LIPC: variants seen among roughly 807,000 people sequenced by gnomAD.
LIPC encodes lipase C, hepatic type.
LIPC carries 44 observed loss-of-function variants against 50.7 expected under a neutral mutation model. That is an observed-to-expected ratio of 0.87 (90% CI 0.68 to 1.11). The LOEUF is 1.11. LIPC is among the 50% of genes most tolerant of loss of function. The probability of loss-of-function intolerance (pLI) is 0.00; values close to 1 mark genes in which losing one functional copy is unlikely to be tolerated. For missense variants in LIPC, 697 were observed against 648.2 expected, an observed-to-expected ratio of 1.08 and a Z score of -0.82; for synonymous variants, 271 against 256.4, an observed-to-expected ratio of 1.06 and a Z score of -0.54.
chr15:58,541,241 T>C (rs11631482), intron 2 of LIPC, among the ~76,000 whole-genome samples: 5 of 152,142 alleles, frequency 3.3e-5, no homozygotes, highest in Non-Finnish European at 7.4e-5. Context: ...TCTGTAAACA[T>C]TTTTTACCTC....
intron 1 of LIPC, among the ~76,000 whole-genome samples, chr15:58,511,014 T>C (rs540233578): frequency 6.6e-6 from 1 of 152,300 alleles, no homozygotes; most frequent in Non-Finnish European, 1.5e-5. Context: ...GCCTTATTAT[T>C]TTGTATATTT....
chr15:58,439,152 A>T (rs1893417161), intron 1 of LIPC, among the ~76,000 whole-genome samples: 1 of 152,206 alleles, frequency 6.6e-6, no homozygotes, highest in Non-Finnish European at 1.5e-5. Flanking sequence ...CATGAAGAGC[A>T]GGCCTCATTG....
At chr15:58,474,821 C>T (rs1231310996) in intron 1 of LIPC, among the ~76,000 whole-genome samples, 1 of 152,188 alleles carries the variant, frequency 6.6e-6, no homozygotes, top group African/African-American at 2.4e-5. Flanking sequence ...CTGCCCCTGG[C>T]TTCTCAAAGC....
chr15:58,462,301 ATGAT>A (rs1894382510), intron 1 of LIPC, among the ~76,000 whole-genome samples: 1 of 152,190 alleles, frequency 6.6e-6, no homozygotes, highest in Non-Finnish European at 1.5e-5. Context: ...CTGAATTGAC[ATGAT>A]TGATTGATTG....
Position 58,492,189 on chromosome 15 carries a change from C to T in LIPC, c.89-46144C>T, listed in dbSNP as rs148823907. Among the ~76,000 whole-genome samples the T allele has an allele frequency of 4.3e-3, 659 of 152,302 alleles. 4 individuals are homozygous for T. The highest frequency in any genetic ancestry group is 0.018 in the South Asian group (85 of 4,822). ...CCTGTGGCCCACCCTGCCCTCAGTT[C>T]CTAGCAGATCCTCAACTTGGCCTGC... On this transcript the variant is annotated intron_variant, in intron 1 of 8. Transcript: ENST00000299022.
chr15:58,516,870 T>C (rs1892503047), intron 1 of LIPC, among the ~76,000 whole-genome samples: 1 of 152,252 alleles, frequency 6.6e-6, no homozygotes, highest in Admixed American at 6.5e-5. Context: ...CTTCTTTGCA[T>C]GCCTGGTAAT....
At chr15:58,505,820 T>A (rs1312714516) in intron 1 of LIPC, among the ~76,000 whole-genome samples, 1 of 152,304 alleles carries the variant, frequency 6.6e-6, no homozygotes, top group East Asian at 1.9e-4. Context: ...CCATCACCTC[T>A]ATCATGAGTT....
chr15:58,432,057 T>C lies in LIPC; in HGVS notation c.25T>C (p.Ser9Pro). The C allele has an allele frequency of 1.2e-6, 2 of 1,614,016 alleles. No homozygotes were observed. The highest frequency in any genetic ancestry group is 1.7e-6 in the Non-Finnish European group (2 of 1,179,898). MDTSPLCFSILLVLCIFIQ... is the reference protein window; with the variant it reads MDTSPLCFPILLVLCIFIQ... Reference sequence around the variant, plus strand: ...AATGGACACAAGTCCCCTGTGTTTCTCCATTCTGTTGGTTTTATGCATCTT... The same window carrying C: ...AATGGACACAAGTCCCCTGTGTTTCCCCATTCTGTTGGTTTTATGCATCTT... The change falls in exon 1 of 9, where the codon TCC (serine) becomes CCC (proline). Residue 9 changes from serine (S) to proline (P), a missense_variant. Ser to Pro is a moderately conservative substitution (Grantham distance 74, BLOSUM62 -1). Transcript: ENST00000299022.
At chr15:58,561,244 G>T (rs993049397) in intron 7 of LIPC, among the ~76,000 whole-genome samples, 1 of 152,208 alleles carries the variant, frequency 6.6e-6, no homozygotes, top group African/African-American at 2.4e-5. Flanking sequence ...ATTATAGGAA[G>T]ATATAAGACA....
At chr15:58,494,616 T>C (rs1382005403) in intron 1 of LIPC, among the ~76,000 whole-genome samples, 3 of 152,230 alleles carry the variant, frequency 2.0e-5, no homozygotes, top group Non-Finnish European at 4.4e-5. Context: ...ACTCCTATTC[T>C]GTTGAGCTAA....
intron 1 of LIPC, among the ~76,000 whole-genome samples, chr15:58,500,450 T>TA (rs1274988914): frequency 3.3e-5 from 5 of 152,188 alleles, no homozygotes; most frequent in African/African-American, 4.8e-5. Context: ...GCAAAAGCAA[T>TA]AATCCATTGC....
chr15:58,491,509 T>G (rs573923251), intron 1 of LIPC, among the ~76,000 whole-genome samples: 1 of 152,300 alleles, frequency 6.6e-6, no homozygotes, highest in African/African-American at 2.4e-5. Context: ...AAAGTTACTT[T>G]AAACCAACCC....
chr15:58,498,159 C>T (rs1037816990), intron 1 of LIPC, among the ~76,000 whole-genome samples: 2 of 152,130 alleles, frequency 1.3e-5, no homozygotes, highest in Non-Finnish European at 2.9e-5. Flanking sequence ...TTCTCTCAGG[C>T]GAGCTTTCCT....
At chr15:58,441,058 C>G (rs1274153455) in intron 1 of LIPC, among the ~76,000 whole-genome samples, 1 of 152,154 alleles carries the variant, frequency 6.6e-6, no homozygotes, top group Non-Finnish European at 1.5e-5. Flanking sequence ...AGACTTATCT[C>G]AGCCTGGCTA....
Position 58,560,978 on chromosome 15 carries a change from C to G in LIPC, c.1166C>G (p.Thr389Ser). ...TKEKMQKIPITLGKGIASNKT... is the reference protein window; with the variant it reads ...TKEKMQKIPISLGKGIASNKT... ...GAGAAAATGCAGAAAATTCCCATCA[C>G]TCTGTGAGTAGGAGGTGTAGCCCCC... Residue 389 changes from threonine to serine, a missense_variant, in exon 7 of 9, where the codon ACT (threonine) becomes AGT (serine). Thr to Ser is a moderately conservative substitution (Grantham distance 58). Transcript: ENST00000299022. 7.0e-7 allele frequency: 1 copy of G among 1,424,684 alleles called. No individual in the cohort carries two copies. The highest frequency in any genetic ancestry group is 9.9e-7 in the Non-Finnish European group (1 of 1,009,846). The allele number at this position is 1,424,684 out of a possible 1,614,324, so 88.3% of individuals were successfully genotyped here.
intron 1 of LIPC, among the ~76,000 whole-genome samples, chr15:58,527,551 G>C (rs550761809): frequency 2.7e-4 from 41 of 152,324 alleles, no homozygotes; most frequent in African/African-American, 9.6e-4. Flanking sequence ...CACCAATGGA[G>C]TTCATCTGGC....
chr15:58,446,117 G>C (rs1213405168), intron 1 of LIPC, among the ~76,000 whole-genome samples: 1 of 152,206 alleles, frequency 6.6e-6, no homozygotes, highest in African/African-American at 2.4e-5. Context: ...AGGGGGAAAG[G>C]AAGAGAGAAA....
intron 1 of LIPC, chr15:58,454,908 A>G (rs1894052541): frequency 6.6e-6 from 1 of 152,248 alleles, no homozygotes; most frequent in Non-Finnish European, 1.5e-5. Flanking sequence ...TTAAAATTAC[A>G]TTATAGAACT....
At chr15:58,507,429 GT>G (rs1413882353) in intron 1 of LIPC, among the ~76,000 whole-genome samples, 8 of 152,274 alleles carry the variant, frequency 5.3e-5, no homozygotes, top group Admixed American at 5.2e-4. Context: ...GAAAATTCCT[GT>G]TCTTGGAATG....
Sources: gnomAD v4.1 joint callset for allele counts (sites outside exome capture counted in the v4.1 genomes callset) on GRCh38, gnomAD v4.1.1 for gene constraint, MANE v1.5 for transcripts, NCBI Gene and HGNC (gene_info 2026-07-23, HGNC 2026-07-21) for gene names.